The following INSYN2A variants were observed in gnomAD, a reference collection of about 807,000 sequenced individuals.
The protein encoded by INSYN2A is inhibitory synaptic factor 2A.
INSYN2A carries 17 observed loss-of-function variants against 39.4 expected under a neutral mutation model. The observed-to-expected ratio is 0.43, with a 90% CI of 0.30 to 0.65. The LOEUF is 0.65. Ranked by LOEUF, INSYN2A falls within the 30% of genes least tolerant of loss-of-function variation. The pLI is 0.14. For synonymous variants in INSYN2A, 255 were observed against 265.7 expected (o/e 0.96, Z 0.39); for missense variants, 595 against 631.2 (o/e 0.94, Z 0.61).
At chr10:127,187,119 A>G (rs770811155) in intron 2 of INSYN2A, among the ~76,000 whole-genome samples, 1 of 152,244 alleles carries the variant, frequency 6.6e-6, no homozygotes, top group East Asian at 1.9e-4. Flanking sequence ...GCAGGACATC[A>G]TACAGTTTCC....
chr10:127,174,204 G>A lies in INSYN2A; in HGVS notation c.1184+1008C>T, dbSNP rs75015978. Among the ~76,000 whole-genome samples, 426 of 152,304 alleles carry A rather than the reference G, an allele frequency of 2.8e-3. 5 individuals are homozygous for A. The highest frequency in any genetic ancestry group is 0.01 in the Middle Eastern group (3 of 294). On this transcript the variant is annotated intron_variant, in intron 4 of 5. Coordinates refer to ENST00000522781, the MANE Select transcript of INSYN2A (RefSeq NM_001039762.3). ...TTGCTAAACCCAGGGCTCAGGGCTCGCAGAGTGAAGGGTGCACATCACATG... is the reference window on the plus strand; with the variant it reads ...TTGCTAAACCCAGGGCTCAGGGCTCACAGAGTGAAGGGTGCACATCACATG...
chr10:127,156,694 G>A (rs1476887013), intron 4 of INSYN2A, among the ~76,000 whole-genome samples: 6 of 149,868 alleles, frequency 4.0e-5, no homozygotes, highest in Non-Finnish European at 7.4e-5. Context: ...TCAGCCTACC[G>A]AGTAGCTGGG....
chr10:127,193,734 T>C (rs2056907948), intron 1 of INSYN2A, among the ~76,000 whole-genome samples: 1 of 152,184 alleles, frequency 6.6e-6, no homozygotes, highest in Non-Finnish European at 1.5e-5. Flanking sequence ...CTTTCTCTTA[T>C]TTATTGATTT....
chr10:127,184,715 C>CA (rs1278164162), intron 2 of INSYN2A, among the ~76,000 whole-genome samples: 1 of 152,220 alleles, frequency 6.6e-6, no homozygotes, highest in Non-Finnish European at 1.5e-5. Flanking sequence ...GTCTCCTGAA[C>CA]ACACCATGGT....
intron 5 of INSYN2A, among the ~76,000 whole-genome samples, 178 bp downstream of exon 5, chr10:127,153,674 C>T (rs963392174): frequency 2.0e-5 from 3 of 152,166 alleles, no homozygotes; most frequent in African/African-American, 2.4e-5. Flanking sequence ...CTACATCCCA[C>T]GGTTCTATAC....
At chr10:127,173,644 C>G (rs1255183389) in intron 4 of INSYN2A, among the ~76,000 whole-genome samples, 1 of 152,144 alleles carries the variant, frequency 6.6e-6, no homozygotes, top group Admixed American at 6.5e-5. Flanking sequence ...GTTTAATTCA[C>G]TACCAACTAT....
chr10:127,181,923 T>A (rs2055773855), intron 2 of INSYN2A, among the ~76,000 whole-genome samples: 1 of 152,220 alleles, frequency 6.6e-6, no homozygotes. Flanking sequence ...CTTAGATTCA[T>A]TATCCGGTTT....
chr10:127,157,805 T>A (rs961465523), intron 4 of INSYN2A, among the ~76,000 whole-genome samples: 1 of 152,234 alleles, frequency 6.6e-6, no homozygotes, highest in African/African-American at 2.4e-5. Flanking sequence ...ATCTTTCTTT[T>A]GTTTAAAGGA....
intron 4 of INSYN2A, among the ~76,000 whole-genome samples, chr10:127,162,080 G>T (rs771347670): frequency 2.4e-4 from 37 of 152,096 alleles, no homozygotes; most frequent in South Asian, 1.0e-3. Context: ...ACGTTAATGC[G>T]ATTTGATATT....
At chr10:127,142,017 C>A (rs562387849) in intron 5 of INSYN2A, among the ~76,000 whole-genome samples, 99 of 152,314 alleles carry the variant, frequency 6.5e-4, no homozygotes, top group African/African-American at 2.2e-3. Flanking sequence ...TGGGTGGGGC[C>A]AGCAGGGTCT....
intron 4 of INSYN2A, among the ~76,000 whole-genome samples, chr10:127,163,312 C>G (rs1163057946): frequency 6.6e-6 from 1 of 152,082 alleles, no homozygotes; most frequent in Non-Finnish European, 1.5e-5. Context: ...ACCTCTCCCT[C>G]CCTCCCTGCT....
chr10:127,191,024 C>G (rs2056719052), intron 2 of INSYN2A, among the ~76,000 whole-genome samples: 1 of 152,102 alleles, frequency 6.6e-6, no homozygotes, highest in Non-Finnish European at 1.5e-5. Context: ...CAGACTATGC[C>G]TCCACTCTCT....
At chr10:127,156,980 T>G (rs147435604) in intron 4 of INSYN2A, among the ~76,000 whole-genome samples, 93 of 152,358 alleles carry the variant, frequency 6.1e-4, no homozygotes, top group African/African-American at 2.1e-3. Flanking sequence ...AAGTACATAC[T>G]AAGTGTGAAA....
At chr10:127,142,759 C>A (rs563067290) in intron 5 of INSYN2A, among the ~76,000 whole-genome samples, 5 of 152,308 alleles carry the variant, frequency 3.3e-5, no homozygotes, top group Non-Finnish European at 7.4e-5. Flanking sequence ...CACTCTGTGC[C>A]CTGGGGCTGT....
intron 5 of INSYN2A, among the ~76,000 whole-genome samples, chr10:127,144,271 G>A (rs1008245273): frequency 3.9e-5 from 6 of 152,080 alleles, no homozygotes; most frequent in African/African-American, 1.4e-4. Context: ...CCTTCTTTCT[G>A]TGGATTTTCT....
At chr10:127,144,529 G>T (rs1345883620) in intron 5 of INSYN2A, among the ~76,000 whole-genome samples, 2 of 152,178 alleles carry the variant, frequency 1.3e-5, no homozygotes, top group African/African-American at 4.8e-5. Flanking sequence ...ATAAACTGAT[G>T]AACTGAACCA....
At chr10:127,188,433 G>C (rs998436212) in intron 2 of INSYN2A, among the ~76,000 whole-genome samples, 1 of 152,118 alleles carries the variant, frequency 6.6e-6, no homozygotes. Flanking sequence ...TTAGAATTCT[G>C]TTCCCTTCTA....
intron 2 of INSYN2A, among the ~76,000 whole-genome samples, chr10:127,186,504 A>ACCACCCCCCCCCCCCCCCCCC (rs1216809857): frequency 1.1e-4 from 1 of 9,000 alleles, no homozygotes; most frequent in African/African-American, 3.5e-4. Flanking sequence ...CATGGGAGAA[A>ACCACCCCCCCCCCCCCCCCCC]CCGCCCCCCC....
intron 4 of INSYN2A, among the ~76,000 whole-genome samples, chr10:127,160,236 T>C (rs575168124): frequency 6.6e-6 from 1 of 152,208 alleles, no homozygotes; most frequent in African/African-American, 2.4e-5. Flanking sequence ...TGGAAACTAA[T>C]TTTACAGTAC....
Sources: gnomAD v4.1 joint callset for allele counts (sites outside exome capture counted in the v4.1 genomes callset) on GRCh38, gnomAD v4.1.1 for gene constraint, MANE v1.5 for transcripts, NCBI Gene and HGNC (gene_info 2026-07-23, HGNC 2026-07-21) for gene names.